Variants in HRH2 observed in about 807,000 individuals in gnomAD.
HRH2 encodes the protein histamine H2 receptor.
HRH2 carries 4 observed loss-of-function variants against 20.1 expected under a neutral mutation model. The ratio of observed to expected loss-of-function variants is 0.20; its 90% CI spans 0.10 to 0.45. The LOEUF is 0.45. Among genes scored for constraint, HRH2 ranks in the 20% least tolerant of loss-of-function variants. The pLI, the probability that HRH2 is intolerant of heterozygous loss-of-function variation, is 0.99. For missense variants in HRH2, 250 were observed against 461.6 expected, an observed-to-expected ratio of 0.54 and a Z score of 4.20; for synonymous variants, 197 against 200.7, an observed-to-expected ratio of 0.98 and a Z score of 0.16.
intron 1 of HRH2, among the ~76,000 whole-genome samples, chr5:175,659,441 T>C (rs1468270258): frequency 6.6e-6 from 1 of 152,164 alleles, no homozygotes; most frequent in Non-Finnish European, 1.5e-5. Flanking sequence ...TTCAATATCA[T>C]GAGAAAATAA....
At chr5:175,700,153 G>A (rs1756751078) in intron 2 of HRH2, among the ~76,000 whole-genome samples, 1 of 152,184 alleles carries the variant, frequency 6.6e-6, no homozygotes, top group Admixed American at 6.5e-5. Context: ...TGCAGTTGCT[G>A]CTCAGATATT....
chr5:175,707,644 T>TACCCAACCCCACC, intron 2 of HRH2, 135 bp from the exon 3 acceptor site: 1 of 150,942 alleles, frequency 6.6e-6, no homozygotes. Context: ...AAAGGGCGGT[T>TACCCAACCCCACC]CCCCTCCCCT....
rs897706052 is a variant in HRH2, at chr5:175,687,282, G to A, written c.1076+2973G>A. Among the ~76,000 whole-genome samples the A allele has an allele frequency of 3.3e-5, 5 of 152,202 alleles. No homozygotes were observed. Among genetic ancestry groups the A allele is most frequent in the African/African-American group, 9.6e-5 (4 of 41,536 alleles). The stretch of plus-strand genomic sequence containing the variant: ...GCCTCGTGTGTCCCTCGATAAGCTC[G>A]GCTGCCAGTTTCCCTGCTGGCTGAT... On this transcript the variant is annotated intron_variant, in intron 2 of 2. Coordinates refer to ENST00000636584, the MANE Select transcript of HRH2 (RefSeq NM_001367711.1). This position sits in a 1 kb window ranked among gnomAD's most constrained non-coding sequence, Gnocchi z 5.2.
At chr5:175,684,445 C>T (rs1425315956) in intron 2 of HRH2, 136 bp downstream of exon 2, 3 of 1,266,938 alleles carry the variant, frequency 2.4e-6, no homozygotes, top group Non-Finnish European at 3.3e-6. Context: ...TTTGTAAACA[C>T]CCTCTTGCTT....
intron 1 of HRH2, among the ~76,000 whole-genome samples, chr5:175,664,948 G>T (rs1251667151): frequency 6.6e-6 from 1 of 152,220 alleles, no homozygotes; most frequent in Non-Finnish European, 1.5e-5. Context: ...CGCACAAAAG[G>T]ATTTTCAGCT....
At chr5:175,662,049 A>G (rs1357307437) in intron 1 of HRH2, among the ~76,000 whole-genome samples, 1 of 151,782 alleles carries the variant, frequency 6.6e-6, no homozygotes, top group African/African-American at 2.4e-5. Context: ...AAATAAATAA[A>G]AGCCATTGCT....
intron 1 of HRH2, among the ~76,000 whole-genome samples, chr5:175,672,945 C>T (rs1755606474): frequency 6.6e-6 from 1 of 150,962 alleles, no homozygotes; most frequent in Middle Eastern, 3.5e-3. Flanking sequence ...GTGTAGTATC[C>T]GAGGAATAAG....
At chr5:175,690,101 T>C (rs1226213576) in intron 2 of HRH2, among the ~76,000 whole-genome samples, 4 of 152,186 alleles carry the variant, frequency 2.6e-5, no homozygotes, top group Non-Finnish European at 5.9e-5. Flanking sequence ...CTTAGTGAAA[T>C]GCTCCCTTTA....
At position 175,681,217 on chromosome 5, in the gene HRH2, A is replaced by G. The variant is rs1486551933; in HGVS notation, c.-525-1492A>G. Among the ~76,000 whole-genome samples the G allele has an allele frequency of 6.6e-6, 1 of 152,184 alleles. No individual in the cohort carries two copies. Among genetic ancestry groups the G allele is most frequent in the Non-Finnish European group, 1.5e-5 (1 of 68,026 alleles). Reference sequence around the variant, plus strand: ...TTATGTAATGAAAAGCTCTGCTAAAAATAGTACCCGGAGGTTCAGCTGCCA... The same window carrying G: ...TTATGTAATGAAAAGCTCTGCTAAAGATAGTACCCGGAGGTTCAGCTGCCA... On this transcript the variant is annotated intron_variant, in intron 1 of 2. Transcript: ENST00000636584. This position sits in a 1 kb window ranked among gnomAD's most constrained non-coding sequence, Gnocchi z 4.3.
chr5:175,696,456 G>A (rs1258309430), intron 2 of HRH2, among the ~76,000 whole-genome samples: 1 of 151,536 alleles, frequency 6.6e-6, no homozygotes, highest in East Asian at 2.0e-4. Context: ...TGTGAGTCCC[G>A]GGCAAGTGAC....
At chr5:175,701,242 G>A (rs548181312) in intron 2 of HRH2, among the ~76,000 whole-genome samples, 32 of 152,220 alleles carry the variant, frequency 2.1e-4, no homozygotes, top group African/African-American at 7.2e-4. Context: ...ATTATAACAC[G>A]GTCCATGTAA....
At chr5:175,662,345 G>T (rs1178911277) in intron 1 of HRH2, among the ~76,000 whole-genome samples, 1 of 152,190 alleles carries the variant, frequency 6.6e-6, no homozygotes, top group African/African-American at 2.4e-5. Context: ...GGGAGGGGGA[G>T]TGCTGGCGTC....
intron 1 of HRH2, among the ~76,000 whole-genome samples, chr5:175,668,495 T>C (rs1202273436): frequency 2.0e-5 from 3 of 152,186 alleles, no homozygotes; most frequent in Non-Finnish European, 2.9e-5. Context: ...ATTGTGAGGC[T>C]GGGTTATTAG....
At chr5:175,692,134 A>G (rs1359127368) in intron 2 of HRH2, among the ~76,000 whole-genome samples, 1 of 152,218 alleles carries the variant, frequency 6.6e-6, no homozygotes, top group Non-Finnish European at 1.5e-5. Context: ...AGGGCCAGAT[A>G]GTAAATATTT....
chr5:175,661,384 C>T (rs898203334), intron 1 of HRH2, among the ~76,000 whole-genome samples: 4 of 152,240 alleles, frequency 2.6e-5, no homozygotes, highest in African/African-American at 7.2e-5. Flanking sequence ...AGAAGAAATA[C>T]GAAATTATTA....
At chr5:175,692,503 T>C (rs1561736029) in intron 2 of HRH2, among the ~76,000 whole-genome samples, 1 of 152,210 alleles carries the variant, frequency 6.6e-6, no homozygotes, top group Non-Finnish European at 1.5e-5. Flanking sequence ...AAAATGGGGA[T>C]AAAAATGCCT....
chr5:175,689,163 G>T (rs181447857), intron 2 of HRH2, among the ~76,000 whole-genome samples: 1 of 152,198 alleles, frequency 6.6e-6, no homozygotes, highest in African/African-American at 2.4e-5. Context: ...GCATAAATTG[G>T]ATTATACTCC....
rs895181639 is a variant in HRH2, at chr5:175,707,839, G to A, written c.1137G>A (p.Leu379=). 2.5e-6 allele frequency: 1 copy of A among 399,150 alleles called. No homozygotes were observed. Among genetic ancestry groups the A allele is most frequent in the African/African-American group, 2.1e-5 (1 of 48,658 alleles). 24.7% of individuals were successfully genotyped at this position (399,150 alleles called of 1,614,324 possible). ...ACCTCCTGAGCTGCTGCAAGAGCCT[G>A]TGGGGGCTCAGGTTCCTTCAGAGAC... is the stretch of plus-strand genomic sequence containing the variant. ...SSNLLSCCKS[L]WGLRFLQRHM... Residue 379 remains leucine, a synonymous_variant, in exon 3 of 3, where the codon CTG becomes CTA. Transcript: ENST00000636584.
intron 2 of HRH2, among the ~76,000 whole-genome samples, chr5:175,688,544 C>T (rs1432144015): frequency 2.6e-5 from 4 of 152,356 alleles, no homozygotes; most frequent in South Asian, 4.1e-4. Flanking sequence ...CTACAGCAGG[C>T]GTTGTCACGG....
Sources: gnomAD v4.1 joint callset for allele counts (sites outside exome capture counted in the v4.1 genomes callset) on GRCh38, gnomAD v4.1.1 for gene constraint, Gnocchi (gnomAD v3.1) non-coding constraint, MANE v1.5 for transcripts, NCBI Gene and HGNC (gene_info 2026-07-23, HGNC 2026-07-21) for gene names.